Variants in MMP17 observed in about 807,000 individuals in gnomAD.
MMP17 encodes matrix metalloproteinase-17.
MMP17 carries 54 observed loss-of-function variants against 49.1 expected under a neutral mutation model. That is an observed-to-expected ratio of 1.10 (90% CI 0.88 to 1.38). The LOEUF is 1.38. MMP17 is among the 40% of genes most tolerant of loss of function. The pLI is 0.00. For synonymous variants in MMP17, 397 were observed against 383.1 expected (o/e 1.04, Z -0.42); for missense variants, 837 against 853.7 (o/e 0.98, Z 0.24).
intron 1 of MMP17, among the ~76,000 whole-genome samples, chr12:131,830,333 G>A (rs1002069804): frequency 6.6e-5 from 10 of 152,186 alleles, no homozygotes; most frequent in African/African-American, 2.4e-4. Flanking sequence ...AGCACCGAGC[G>A]GAGGATGTGG....
intron 1 of MMP17, among the ~76,000 whole-genome samples, chr12:131,834,522 G>A (rs1357220870): frequency 6.6e-6 from 1 of 152,100 alleles, no homozygotes; most frequent in Non-Finnish European, 1.5e-5. Flanking sequence ...CTGGGGGCAG[G>A]GGGCAGGGAG....
Position 131,838,178 on chromosome 12 carries a change from C to G in MMP17, c.160-17C>G. 1 of 1,606,970 alleles carries G rather than the reference C, an allele frequency of 6.2e-7. No individual in the cohort carries two copies. The highest frequency in any genetic ancestry group is 8.5e-7 in the Non-Finnish European group (1 of 1,176,552). Reference sequence around the variant, plus strand: ...GGGCCCTCTGTTGCACCCCCTCACCCTGCTCTCTGCCCTCAGGAGTGGCTA... The same window carrying G: ...GGGCCCTCTGTTGCACCCCCTCACCGTGCTCTCTGCCCTCAGGAGTGGCTA... On this transcript the variant is annotated splice_polypyrimidine_tract_variant and intron_variant, in intron 1 of 9. Coordinates refer to ENST00000360564, the MANE Select transcript of MMP17 (RefSeq NM_016155.7).
intron 1 of MMP17, among the ~76,000 whole-genome samples, chr12:131,830,378 C>T (rs1244075039): frequency 3.9e-5 from 6 of 152,230 alleles, no homozygotes; most frequent in Non-Finnish European, 7.3e-5. Flanking sequence ...GAGTGGGGCC[C>T]CGGTGTCCAG....
At chr12:131,850,754 C>T (rs1887931032) in intron 9 of MMP17, among the ~76,000 whole-genome samples, 171 bp from the exon 10 acceptor site, 1 of 151,534 alleles carries the variant, frequency 6.6e-6, no homozygotes, top group African/African-American at 2.4e-5. Context: ...CCCCACCAGC[C>T]GTCTGGTCTG....
At chr12:131,847,231 T>C (rs1395488512) in intron 8 of MMP17, among the ~76,000 whole-genome samples, 2 of 151,444 alleles carry the variant, frequency 1.3e-5, no homozygotes, top group African/African-American at 2.4e-5. Flanking sequence ...GTTAACACGG[T>C]GAAACCCCGT....
rs924277386 is a variant in MMP17, at chr12:131,851,601, C to T, written c.*327C>T. 4 of 298,528 alleles carry T rather than the reference C, an allele frequency of 1.3e-5. No individual in the cohort carries two copies. The highest frequency in any genetic ancestry group is 2.2e-5 in the African/African-American group (1 of 46,470). 18.5% of individuals were successfully genotyped at this position (298,528 alleles called of 1,614,324 possible). Reference sequence around the variant, plus strand: ...GCTGGGGGCCCACCCCTCTCTGTGCCGGCGCCACCAACCCCACCCACACTG... The same window carrying T: ...GCTGGGGGCCCACCCCTCTCTGTGCTGGCGCCACCAACCCCACCCACACTG... On this transcript the variant is annotated 3_prime_UTR_variant, in exon 10 of 10. Coordinates refer to ENST00000360564, the MANE Select transcript of MMP17 (RefSeq NM_016155.7).
intron 3 of MMP17, among the ~76,000 whole-genome samples, chr12:131,839,746 G>A (rs1312766265): frequency 1.3e-5 from 2 of 152,124 alleles, no homozygotes; most frequent in South Asian, 2.1e-4. Flanking sequence ...TCAGGAGTTC[G>A]AGACCAGCCT....
chr12:131,837,342 C>G (rs1344385207), intron 1 of MMP17, among the ~76,000 whole-genome samples: 2 of 152,226 alleles, frequency 1.3e-5, no homozygotes, highest in Non-Finnish European at 2.9e-5. Context: ...CAGACACAGT[C>G]TGCAACTCCT....
chr12:131,845,334 G>C lies in MMP17; in HGVS notation c.1089G>C (p.Leu363=), dbSNP rs1006418770. ...YFWRLTRDRH[L]VSLQPAQMHR... is the part of the protein sequence containing the mutation. Reference sequence around the variant, plus strand: ...GGCGGCTGACGCGGGACCGGCACCTGGTGTCCCTGCAGCCGGCACAGATGC... The same window carrying C: ...GGCGGCTGACGCGGGACCGGCACCTCGTGTCCCTGCAGCCGGCACAGATGC... The change falls in exon 8 of 10, where the codon CTG becomes CTC. Residue 363 remains leucine, a synonymous_variant. Coordinates refer to ENST00000360564, the MANE Select transcript of MMP17 (RefSeq NM_016155.7). 6.9e-6 allele frequency: 11 copies of C among 1,604,792 alleles called. No individual in the cohort carries two copies. The highest frequency in any genetic ancestry group is 9.4e-6 in the Non-Finnish European group (11 of 1,175,416).
chr12:131,832,307 G>C lies in MMP17; in HGVS notation c.159+3654G>C, dbSNP rs536051417. Among the ~76,000 whole-genome samples, 7 of 85,250 alleles carry C rather than the reference G, an allele frequency of 8.2e-5. No homozygotes were observed. The South Asian group carries it at 3.7e-3, about 45-fold the overall frequency. The allele number at this position is 85,250 out of a possible 152,430, so 55.9% of individuals were successfully genotyped here. A position where few individuals can be genotyped will look rare whatever the true frequency, so the allele number is the denominator to read the frequency against. The stretch of plus-strand genomic sequence containing the variant: ...AAGGGGGAAGGCTGGAGAGGATCGG[G>C]GGGACGGGAACGGGGAAGGCTGGAG... On this transcript the variant is annotated intron_variant, in intron 1 of 9. Coordinates refer to ENST00000360564, the MANE Select transcript of MMP17 (RefSeq NM_016155.7).
rs777937587 is a variant in MMP17, at chr12:131,850,059, G to T, written c.1462G>T (p.Gly488Cys). Residue 488 changes from glycine (G) to cysteine (C), a missense_variant and splice_region_variant, in exon 9 of 10, where the codon GGT (glycine) becomes TGT (cysteine). By Grantham distance (159) the Gly-to-Cys change is radical. Coordinates refer to ENST00000360564, the MANE Select transcript of MMP17 (RefSeq NM_016155.7). ...GGACGACGCCATGCGCTGGTCCGAC[G>T]GTGAGTGCCAGCTGGGGGGACGGGC... The part of the protein sequence containing the change: ...TLDDAMRWSD[G>C]ASYFFRGQEY... The T allele has an allele frequency of 1.2e-6, 2 of 1,607,468 alleles. No individual in the cohort carries two copies. The highest frequency in any genetic ancestry group is 1.7e-6 in the Non-Finnish European group (2 of 1,176,750).
chr12:131,844,940 G>GTATCATTAAAAA, intron 6 of MMP17, 178 bp from the exon 7 acceptor site: 7 of 478,708 alleles, frequency 1.5e-5, no homozygotes, highest in South Asian at 7.1e-5. Context: ...CCCGCCCGCT[G>GTATCATTAAAAA]AAGCGGTGGA....
intron 1 of MMP17, among the ~76,000 whole-genome samples, chr12:131,834,705 G>A (rs943387570): frequency 6.6e-6 from 1 of 152,040 alleles, no homozygotes; most frequent in Non-Finnish European, 1.5e-5. Flanking sequence ...GGGGGGGTTT[G>A]CCCCAGGACT....
At chr12:131,838,562 G>A in intron 2 of MMP17, 50 bp from the exon 3 acceptor site, 1 of 1,568,374 alleles carries the variant, frequency 6.4e-7, no homozygotes, top group Non-Finnish European at 8.7e-7. Context: ...CGGGATCCTA[G>A]GGTGGGGAGT....
chr12:131,844,206 G>GC, intron 6 of MMP17, 125 bp downstream of exon 6: 1 of 767,412 alleles, frequency 1.3e-6, no homozygotes. Flanking sequence ...GGCCGACTGA[G>GC]CCCCCAGTGA....
chr12:131,840,768 C>G lies in MMP17; in HGVS notation c.618C>G (p.Thr206=). 2 of 1,604,960 alleles carry G rather than the reference C, an allele frequency of 1.2e-6. No homozygotes were observed. The highest frequency in any genetic ancestry group is 1.7e-6 in the Non-Finnish European group (2 of 1,179,842). ...ACCCCTTCGACGGCCCCGGCGGCAC[C>G]GTGGCCCACGCCTTCTTCCCCGGCC... is the stretch of plus-strand genomic sequence containing the variant. ...DGYPFDGPGG[T]VAHAFFPGHH... is the part of the protein sequence containing the mutation. Residue 206 remains threonine, a synonymous_variant, in exon 4 of 10, where the codon ACC becomes ACG. Coordinates refer to ENST00000360564, the MANE Select transcript of MMP17 (RefSeq NM_016155.7).
Position 131,841,842 on chromosome 12 carries a change from G to A in MMP17, c.883+42G>A, listed in dbSNP as rs749009300. 2.5e-5 allele frequency: 38 copies of A among 1,518,274 alleles called. 1 individual carries two copies. Among genetic ancestry groups the A allele is most frequent in the Middle Eastern group, 4.7e-4 (2 of 4,282 alleles). 94.1% of individuals were successfully genotyped at this position (1,518,274 alleles called of 1,614,324 possible). A position where few individuals can be genotyped will look rare whatever the true frequency, so the allele number is the denominator to read the frequency against. Reference sequence around the variant, plus strand: ...AGCCAGACACAGGGCCCCTGGAAGAGGGGTCAGAAACCCCAGGCACCCCTG... The same window carrying A: ...AGCCAGACACAGGGCCCCTGGAAGAAGGGTCAGAAACCCCAGGCACCCCTG... On this transcript the variant is annotated intron_variant, in intron 5 of 9. Transcript: ENST00000360564.
intron 3 of MMP17, chr12:131,840,316 G>A (rs531802964): frequency 4.3e-6 from 2 of 469,438 alleles, no homozygotes; most frequent in Admixed American, 3.5e-5. Flanking sequence ...GGCTCCACGC[G>A]GGAGCTGACG....
chr12:131,847,775 C>T (rs868626936), intron 8 of MMP17, among the ~76,000 whole-genome samples: 3 of 152,256 alleles, frequency 2.0e-5, no homozygotes, highest in Non-Finnish European at 2.9e-5. Flanking sequence ...CTGCAGGTTT[C>T]GCTACCATAA....
Sources: allele counts gnomAD v4.1 joint callset (sites outside exome capture counted in the v4.1 genomes callset), GRCh38; gene constraint gnomAD v4.1.1; transcripts MANE v1.5; gene names NCBI Gene and HGNC (gene_info 2026-07-23, HGNC 2026-07-21).